The following PHF24 variants were observed in gnomAD, a reference collection of about 807,000 sequenced individuals.
The protein encoded by PHF24 is Galpha inhibitory interacting protein.
Under a neutral mutation model 42.6 loss-of-function variants are expected in PHF24, and 25 were observed. That is an observed-to-expected ratio of 0.59 (90% CI 0.43 to 0.82). The LOEUF is 0.82. PHF24 is among the 40% of genes least tolerant of loss of function. The pLI is 0.00. For synonymous variants in PHF24, 185 were observed against 204.8 expected (o/e 0.90, Z 0.83); for missense variants, 470 against 538.1 (o/e 0.87, Z 1.25).
At chr9:34,710,014 A>G in the PHF24 span, 1 of 1,614,116 alleles carries the variant, frequency 6.2e-7, no homozygotes, top group Non-Finnish European at 8.5e-7. Flanking sequence ...GGTCCTGGGG[A>G]TGCCAAAGGC....
chr9:34,717,787 G>A, the PHF24 span, among the ~76,000 whole-genome samples: 2 of 152,114 alleles, frequency 1.3e-5, no homozygotes, highest in Admixed American at 1.3e-4. Flanking sequence ...TGGGTTCTGT[G>A]TGCAAACCTG....
exon 8 of PHF24, chr9:34,982,467 C>A (rs1473871454): frequency 6.6e-6 from 1 of 152,262 alleles, no homozygotes; most frequent in Non-Finnish European, 1.5e-5. Flanking sequence ...CGTGGCCCAG[C>A]CTTCACAGCG....
the PHF24 span, among the ~76,000 whole-genome samples, chr9:34,936,039 C>G: frequency 1.3e-5 from 2 of 151,294 alleles, no homozygotes; most frequent in Non-Finnish European, 3.0e-5. Flanking sequence ...CGCTCCCGCT[C>G]CCGCTCCCAC....
the PHF24 span, chr9:34,894,466 A>ACAACTTCTC: frequency 2.5e-6 from 1 of 398,542 alleles, no homozygotes; most frequent in African/African-American, 2.1e-5. Context: ...AGCAGCTTCC[A>ACAACTTCTC]CAACTTCTCG....
At chr9:34,810,709 T>G in the PHF24 span, among the ~76,000 whole-genome samples, 2 of 152,208 alleles carry the variant, frequency 1.3e-5, no homozygotes, top group Non-Finnish European at 2.9e-5. Context: ...TAGGCCTACA[T>G]GTGTCCTCAC....
At chr9:34,975,709 T>A (rs896125619) in intron 3 of PHF24, among the ~76,000 whole-genome samples, 4 of 151,874 alleles carry the variant, frequency 2.6e-5, no homozygotes, top group African/African-American at 9.7e-5. Flanking sequence ...TTTTTTTTTT[T>A]AACTAAAATA....
At chr9:34,835,556 T>G in the PHF24 span, 740 of 1,551,772 alleles carry the variant, frequency 4.8e-4, 2 homozygotes, top group African/African-American at 9.5e-3. Flanking sequence ...ATGCTGGCCT[T>G]GGTTTCCCTG....
chr9:34,780,792 A>G, the PHF24 span, among the ~76,000 whole-genome samples: 402 of 152,324 alleles, frequency 2.6e-3, no homozygotes, highest in Non-Finnish European at 3.8e-3. Context: ...TAAAATGGGC[A>G]AAGGATTTGG....
At chr9:34,936,860 C>G in the PHF24 span, among the ~76,000 whole-genome samples, 2 of 150,434 alleles carry the variant, frequency 1.3e-5, no homozygotes, top group African/African-American at 4.9e-5. Flanking sequence ...AAGTGAGGAG[C>G]CCCTCCGCCC....
chr9:34,872,677 G>A, the PHF24 span, among the ~76,000 whole-genome samples: 1 of 142,712 alleles, frequency 7.0e-6, no homozygotes, highest in South Asian at 2.3e-4. Context: ...ACGTGTGCAT[G>A]TGTCTTTATA....
chr9:34,682,690 C>A, the PHF24 span, among the ~76,000 whole-genome samples: 1 of 152,104 alleles, frequency 6.6e-6, no homozygotes, highest in Non-Finnish European at 1.5e-5. Flanking sequence ...ATAGAATCCC[C>A]AAAAGTCACA....
chr9:34,729,396 A>G, the PHF24 span: 1 of 1,551,142 alleles, frequency 6.4e-7, no homozygotes, highest in Admixed American at 2.0e-5. Context: ...GGGATATCCA[A>G]CTTCCCACAG....
chr9:34,803,858 G>A, the PHF24 span, among the ~76,000 whole-genome samples: 10 of 152,230 alleles, frequency 6.6e-5, no homozygotes, highest in African/African-American at 1.7e-4. Flanking sequence ...ATTAGTATGC[G>A]CTCTCTTGAT....
At chr9:34,981,015 T>C (rs768209384) in exon 8 of PHF24, 2 of 152,362 alleles carry the variant, frequency 1.3e-5, no homozygotes, top group African/African-American at 2.4e-5. Flanking sequence ...GTCTGCTCCT[T>C]GGCTTCCTCT....
the PHF24 span, among the ~76,000 whole-genome samples, chr9:34,761,301 T>A: frequency 8.6e-6 from 1 of 116,270 alleles, no homozygotes; most frequent in Non-Finnish European, 1.9e-5. Flanking sequence ...CATCTTTATA[T>A]TGCACATTGT....
At chr9:34,872,541 AT>A in the PHF24 span, among the ~76,000 whole-genome samples, 1 of 150,028 alleles carries the variant, frequency 6.7e-6, no homozygotes, top group East Asian at 2.0e-4. Flanking sequence ...TGAACTCATC[AT>A]TTTTTATGGC....
chr9:34,832,569 G>C, the PHF24 span: 4 of 1,542,700 alleles, frequency 2.6e-6, no homozygotes, highest in Non-Finnish European at 2.6e-6. Flanking sequence ...TTCTTTTCTG[G>C]TTTTGGCCAC....
At chr9:34,858,989 GT>G in the PHF24 span, among the ~76,000 whole-genome samples, 11 of 152,252 alleles carry the variant, frequency 7.2e-5, no homozygotes, top group Admixed American at 5.9e-4. Context: ...GATCTACTTA[GT>G]TTAAAGTAAA....
the PHF24 span, among the ~76,000 whole-genome samples, chr9:34,925,539 T>G: frequency 6.6e-6 from 1 of 152,112 alleles, no homozygotes; most frequent in Non-Finnish European, 1.5e-5. Context: ...GCTTTCTTCT[T>G]TCTTCTGCTT....
Sources: allele counts gnomAD v4.1 joint callset (sites outside exome capture counted in the v4.1 genomes callset), GRCh38; gene constraint gnomAD v4.1.1; transcripts MANE v1.5; gene names NCBI Gene and HGNC (gene_info 2026-07-23, HGNC 2026-07-21).